NVL: variants seen among roughly 807,000 people sequenced by gnomAD.
The protein encoded by NVL is nuclear valosin-containing protein-like.
NVL carries 84 observed loss-of-function variants against 110.2 expected under a neutral mutation model. That is an observed-to-expected ratio of 0.76 (90% CI 0.64 to 0.91). The LOEUF is 0.91. Among genes scored for constraint, NVL ranks in the 40% least tolerant of loss-of-function variants. NVL has a pLI of 0.00. For missense variants in NVL, 882 were observed against 1,035.9 expected (o/e 0.85, Z 2.04); for synonymous variants, 354 against 361.1 (o/e 0.98, Z 0.22).
chr1:224,233,375 A>G, intron 20 of NVL, 86 bp from the exon 21 acceptor site: 3 of 906,756 alleles, frequency 3.3e-6, no homozygotes, highest in Non-Finnish European at 4.8e-6. Context: ...CATATAAGTC[A>G]TATATTAAAT....
At chr1:224,265,990 T>C (rs1258994823) in intron 18 of NVL, among the ~76,000 whole-genome samples, 2 of 152,228 alleles carry the variant, frequency 1.3e-5, no homozygotes, top group Non-Finnish European at 2.9e-5. Flanking sequence ...TTCTGTATGA[T>C]GTTATTAATA....
In NVL at chr1:224,230,474, C is replaced by T. The variant is rs186373759; in HGVS notation, c.2526+752G>A. ...AAAAAATTAGCCAGGCATGGTGGTG[C>T]GCACCTATAGTCCCAGCTACTCAGG... On this transcript the variant is annotated intron_variant, in intron 22 of 22. Transcript: ENST00000281701. Among the ~76,000 whole-genome samples the T allele has an allele frequency of 2.3e-3, 356 of 151,964 alleles. 2 individuals are homozygous for T. The highest frequency in any genetic ancestry group is 7.3e-3 in the Admixed American group (112 of 15,248).
intron 19 of NVL, among the ~76,000 whole-genome samples, chr1:224,239,493 T>C (rs1021437507): frequency 1.6e-4 from 24 of 152,230 alleles, no homozygotes; most frequent in African/African-American, 4.8e-4. Context: ...TTAGGTGCTT[T>C]CTATGATTTT....
intron 22 of NVL, 66 bp from the exon 23 acceptor site, chr1:224,227,736 C>G: frequency 6.7e-7 from 1 of 1,489,242 alleles, no homozygotes; most frequent in Non-Finnish European, 9.3e-7. Context: ...ATGGTGCCCC[C>G]CAAAATTCAC....
At chr1:224,311,280 C>G (rs1669493592) in intron 5 of NVL, among the ~76,000 whole-genome samples, 1 of 151,124 alleles carries the variant, frequency 6.6e-6, no homozygotes, top group Non-Finnish European at 1.5e-5. Context: ...AGGCTGGTCT[C>G]AAACTCCTGG....
chr1:224,243,442 CAG>C (rs1382214051), intron 19 of NVL, among the ~76,000 whole-genome samples: 1 of 151,998 alleles, frequency 6.6e-6, no homozygotes, highest in Non-Finnish European at 1.5e-5. Context: ...GCCTGGGTGA[CAG>C]AGCAAGACCT....
chr1:224,271,476 G>A (rs964278315), intron 17 of NVL, among the ~76,000 whole-genome samples: 2 of 151,976 alleles, frequency 1.3e-5, no homozygotes, highest in African/African-American at 4.8e-5. Flanking sequence ...CTGGGAGACA[G>A]GGTAAGACCC....
At chr1:224,257,922 A>C (rs1663477442) in intron 18 of NVL, among the ~76,000 whole-genome samples, 1 of 152,228 alleles carries the variant, frequency 6.6e-6, no homozygotes, top group South Asian at 2.1e-4. Flanking sequence ...AATGGATCAA[A>C]GACCTAAATG....
At chr1:224,314,943 G>A (rs1258910427) in intron 4 of NVL, among the ~76,000 whole-genome samples, 4 of 152,050 alleles carry the variant, frequency 2.6e-5, no homozygotes, top group Non-Finnish European at 4.4e-5. Context: ...CCCGGGAGGC[G>A]GTGGTTGCAG....
chr1:224,281,283 G>C, intron 15 of NVL, 98 bp from the exon 16 acceptor site: 1 of 823,978 alleles, frequency 1.2e-6, no homozygotes, highest in South Asian at 1.4e-5. Context: ...GACTCTGTGT[G>C]CGTGTGTGTG....
At chr1:224,232,706 A>T (rs1265667804) in intron 21 of NVL, among the ~76,000 whole-genome samples, 1 of 152,174 alleles carries the variant, frequency 6.6e-6, no homozygotes, top group African/African-American at 2.4e-5. Context: ...CATTAAAGAC[A>T]CTGTCAAATG....
At chr1:224,318,294 A>G (rs1670291062) in intron 2 of NVL, among the ~76,000 whole-genome samples, 1 of 152,212 alleles carries the variant, frequency 6.6e-6, no homozygotes, top group Non-Finnish European at 1.5e-5. Flanking sequence ...GGAGGGGTAG[A>G]GCAAAACCAT....
chr1:224,327,655 T>C (rs534190142), intron 1 of NVL, among the ~76,000 whole-genome samples: 3 of 152,058 alleles, frequency 2.0e-5, no homozygotes, highest in African/African-American at 7.2e-5. Flanking sequence ...TTTTTTGGTC[T>C]TAAGCATTTA....
intron 18 of NVL, among the ~76,000 whole-genome samples, chr1:224,253,964 A>C (rs988502186): frequency 6.6e-6 from 1 of 152,054 alleles, no homozygotes; most frequent in African/African-American, 2.4e-5. Flanking sequence ...ATTTTTCATG[A>C]GTTTGCCATT....
intron 20 of NVL, among the ~76,000 whole-genome samples, chr1:224,234,227 T>A (rs1364428504): frequency 6.6e-6 from 1 of 152,194 alleles, no homozygotes; most frequent in South Asian, 2.1e-4. Flanking sequence ...AGCACAGTTC[T>A]GAGTTCAATG....
rs757511937 is a variant in NVL, at chr1:224,289,528, C to A, written c.1531G>T (p.Val511Phe). Residue 511 changes from valine to phenylalanine, a missense_variant, in exon 13 of 23, where the codon GTC (valine) becomes TTC (phenylalanine). This residue lies in a region of NVL where 416 missense variants were observed against 499.3 expected (regional missense o/e 0.83). Coordinates refer to ENST00000281701, the MANE Select transcript of NVL (RefSeq NM_002533.4). The stretch of plus-strand genomic sequence containing the variant: ...TCAGTTCCCAGCCTTTCCTCCTGGA[C>A]TCCTTTAGATGGCAAATCTTCCATT... Reference protein sequence around the residue: ...PEMEDLPSKGVQEERLGTEPT... With the variant: ...PEMEDLPSKGFQEERLGTEPT... The A allele has an allele frequency of 1.2e-6, 2 of 1,614,240 alleles. No individual in the cohort carries two copies. Among genetic ancestry groups the A allele is most frequent in the Non-Finnish European group, 1.7e-6 (2 of 1,180,046 alleles).
intron 10 of NVL, chr1:224,298,230 A>G (rs1179477973): frequency 1.4e-5 from 3 of 215,918 alleles, no homozygotes; most frequent in South Asian, 7.3e-5. Context: ...GAAGAGAAAA[A>G]GAAATGTGAT....
At chr1:224,325,849 T>C (rs1191228602) in intron 2 of NVL, among the ~76,000 whole-genome samples, 1 of 152,208 alleles carries the variant, frequency 6.6e-6, no homozygotes, top group African/African-American at 2.4e-5. Flanking sequence ...TGCAGTGGCG[T>C]GACCACAGCT....
intron 17 of NVL, 88 bp from the exon 18 acceptor site, chr1:224,268,221 A>C: frequency 1.1e-6 from 1 of 906,660 alleles, no homozygotes; most frequent in Non-Finnish European, 1.7e-6. Flanking sequence ...ACATTTCCCC[A>C]TGCAAAGGAG....
Sources: allele counts gnomAD v4.1 joint callset (sites outside exome capture counted in the v4.1 genomes callset), GRCh38; gene constraint gnomAD v4.1.1; regional missense constraint gnomAD v4.1.1; transcripts MANE v1.5; gene names NCBI Gene and HGNC (gene_info 2026-07-23, HGNC 2026-07-21).